The following XKR4 variants were observed in gnomAD, a reference collection of about 807,000 sequenced individuals.
XKR4 encodes XK related 4, also known as XK-related protein 4.
In XKR4, 12 loss-of-function variants were observed where a neutral mutation model predicts 53.9. The ratio of observed to expected loss-of-function variants is 0.22; its 90% confidence interval spans 0.14 to 0.36. The LOEUF (loss-of-function observed/expected upper bound fraction) is 0.36. Among genes scored for constraint, XKR4 ranks in the 10% least tolerant of loss-of-function variants. The pLI, the probability that XKR4 is intolerant of heterozygous loss-of-function variation, is 1.00. For synonymous variants in XKR4, 354 were observed against 362.4 expected, an observed-to-expected ratio of 0.98 and a Z score of 0.26; for missense variants, 799 against 859.5, an observed-to-expected ratio of 0.93 and a Z score of 0.88.
At chr8:55,132,615 C>A (rs1184578354) in intron 1 of XKR4, among the ~76,000 whole-genome samples, 1 of 152,082 alleles carries the variant, frequency 6.6e-6, no homozygotes, top group Non-Finnish European at 1.5e-5. Context: ...GACTACTGTG[C>A]CTGACTCCAG....
intron 1 of XKR4, among the ~76,000 whole-genome samples, chr8:55,246,024 C>A (rs1199114481): frequency 6.6e-6 from 1 of 152,170 alleles, no homozygotes; most frequent in African/African-American, 2.4e-5. Context: ...ACCGCTTGAA[C>A]CCAGGAGGCA....
At chr8:55,228,525 C>T (rs16921458) in intron 1 of XKR4, among the ~76,000 whole-genome samples, 37,341 of 151,384 alleles carry the variant, frequency 0.25, 5,075 homozygotes, top group East Asian at 0.49. Context: ...GCCTTAGGCA[C>T]GTATGTGAAA....
chr8:55,327,133 A>T (rs146853435), intron 1 of XKR4, among the ~76,000 whole-genome samples: 2 of 152,206 alleles, frequency 1.3e-5, no homozygotes, highest in South Asian at 4.1e-4. Context: ...AAATCAAAGC[A>T]TAAGGTCAGT....
In XKR4 at chr8:55,493,388, G is replaced by A. The variant is rs1338973235; in HGVS notation, c.1007-29893G>A. Among the ~76,000 whole-genome samples, 11 of 152,280 alleles carry A rather than the reference G, an allele frequency of 7.2e-5. No individual in the cohort carries two copies. The East Asian group carries it at 2.1e-3, about 29-fold the overall frequency. ...ACCTCCAGAGGTACTAGAACTGCTG[G>A]CACTATTGCAATAGTCTGTAGTCAC... On this transcript the variant is annotated intron_variant, in intron 2 of 2. Transcript: ENST00000327381.
intron 1 of XKR4, among the ~76,000 whole-genome samples, chr8:55,338,283 T>G (rs1486854874): frequency 1.3e-5 from 2 of 152,190 alleles, no homozygotes; most frequent in African/African-American, 4.8e-5. Flanking sequence ...ATAAAGTTAT[T>G]GATTCACTTA....
chr8:55,243,756 G>T (rs796461697), intron 1 of XKR4, among the ~76,000 whole-genome samples: 2 of 152,322 alleles, frequency 1.3e-5, no homozygotes, highest in African/African-American at 4.8e-5. Context: ...CTAGAGAGAA[G>T]TAGGCAAAGT....
intron 1 of XKR4, among the ~76,000 whole-genome samples, chr8:55,302,476 T>A (rs1485209093): frequency 6.6e-6 from 1 of 152,350 alleles, no homozygotes; most frequent in Non-Finnish European, 1.5e-5. Flanking sequence ...CTTGACAATG[T>A]GGGCTCTTTT....
chr8:55,349,075 A>AAATTTT, intron 1 of XKR4, among the ~76,000 whole-genome samples: 1 of 152,214 alleles, frequency 6.6e-6, no homozygotes, highest in African/African-American at 2.4e-5. Flanking sequence ...GAAAAAAATC[A>AAATTTT]ACTTATTTTT....
chr8:55,475,476 G>A (rs1470863647), intron 2 of XKR4, among the ~76,000 whole-genome samples: 1 of 152,024 alleles, frequency 6.6e-6, no homozygotes, highest in African/African-American at 2.4e-5. Flanking sequence ...GAGAGCAATG[G>A]TGTGATCAGA....
At chr8:55,305,301 G>A (rs367975547) in intron 1 of XKR4, among the ~76,000 whole-genome samples, 7 of 152,172 alleles carry the variant, frequency 4.6e-5, no homozygotes, top group East Asian at 3.9e-4. Context: ...TGCTGATGGC[G>A]TTGTGCCAGC....
chr8:55,411,658 G>A (rs567591997), intron 2 of XKR4, among the ~76,000 whole-genome samples: 2 of 152,298 alleles, frequency 1.3e-5, no homozygotes, highest in South Asian at 2.1e-4. Flanking sequence ...GGTCAGACTC[G>A]TAAAGGAGGC....
intron 1 of XKR4, among the ~76,000 whole-genome samples, chr8:55,131,917 C>T (rs538128683): frequency 6.6e-6 from 1 of 152,248 alleles, no homozygotes; most frequent in Non-Finnish European, 1.5e-5. Context: ...TTACACATGG[C>T]CTGTGCACAG....
intron 2 of XKR4, chr8:55,451,636 C>G: frequency 6.5e-7 from 1 of 1,549,178 alleles, no homozygotes; most frequent in Admixed American, 1.8e-5. Context: ...GTAGGACACG[C>G]GCTGCAGGGC....
chr8:55,251,956 A>G (rs1442264985), intron 1 of XKR4, among the ~76,000 whole-genome samples: 1 of 152,212 alleles, frequency 6.6e-6, no homozygotes, highest in Non-Finnish European at 1.5e-5. Context: ...CAAGATAGCA[A>G]TTGTTTCACA....
At chr8:55,408,228 TC>T (rs1463000155) in intron 2 of XKR4, among the ~76,000 whole-genome samples, 1 of 152,222 alleles carries the variant, frequency 6.6e-6, no homozygotes, top group African/African-American at 2.4e-5. Context: ...AGCTCTTTTA[TC>T]TCATTAATCC....
intron 1 of XKR4, among the ~76,000 whole-genome samples, chr8:55,300,740 T>C (rs1329811809): frequency 6.6e-6 from 1 of 152,012 alleles, no homozygotes; most frequent in Non-Finnish European, 1.5e-5. Flanking sequence ...GGTGCTTCCA[T>C]CGTGGGGATG....
intron 1 of XKR4, among the ~76,000 whole-genome samples, chr8:55,238,347 G>A (rs1257458542): frequency 6.6e-6 from 1 of 152,234 alleles, no homozygotes; most frequent in Non-Finnish European, 1.5e-5. Flanking sequence ...CTAAGTGGAA[G>A]TGGATCATCA....
At chr8:55,179,367 C>T (rs535490755) in intron 1 of XKR4, among the ~76,000 whole-genome samples, 1 of 152,236 alleles carries the variant, frequency 6.6e-6, no homozygotes, top group Admixed American at 6.5e-5. Context: ...CAAGACTTCT[C>T]AAAATTTCTT....
chr8:55,352,188 G>A (rs1173672942), intron 1 of XKR4, among the ~76,000 whole-genome samples: 2 of 152,190 alleles, frequency 1.3e-5, no homozygotes, highest in Non-Finnish European at 2.9e-5. Context: ...AGTTTTACCC[G>A]GGTGGGGAGA....
Sources: gnomAD v4.1 joint callset for allele counts (sites outside exome capture counted in the v4.1 genomes callset) on GRCh38, gnomAD v4.1.1 for gene constraint, MANE v1.5 for transcripts, NCBI Gene and HGNC (gene_info 2026-07-23, HGNC 2026-07-21) for gene names.